Variants in FCHO1 observed in about 807,000 individuals in gnomAD.
FCHO1 encodes F-BAR domain only protein 1.
Under a neutral mutation model 114.4 loss-of-function variants are expected in FCHO1, and 45 were observed. That is an observed-to-expected ratio of 0.39 (90% CI 0.31 to 0.50). The LOEUF is 0.50. Among genes scored for constraint, FCHO1 ranks in the 20% least tolerant of loss-of-function variants. The probability of loss-of-function intolerance (pLI) is 0.77; values close to 1 mark genes in which losing one functional copy is unlikely to be tolerated. For synonymous variants in FCHO1, 480 were observed against 488.9 expected, an observed-to-expected ratio of 0.98 and a Z score of 0.24; for missense variants, 1,042 against 1,209.6, an observed-to-expected ratio of 0.86 and a Z score of 2.06.
In FCHO1 at chr19:17,764,399, G is replaced by C; in HGVS notation, c.144G>C (p.Ser48=). 1 of 1,613,610 alleles carries C rather than the reference G, an allele frequency of 6.2e-7. No individual in the cohort carries two copies. The change falls in exon 6 of 29, where the codon TCG becomes TCC. Residue 48 remains serine (S), a synonymous_variant. Transcript: ENST00000596536. ...GGGCCACCATCGAGGAGACCTACTC[G>C]AAGGCGATGGCGAAACTCTCCAAGC... ...RERATIEETY[S]KAMAKLSKLA...
At position 17,776,972 on chromosome 19, in the gene FCHO1, A is replaced by T. The variant is rs1340621288; in HGVS notation, c.1259+286A>T. Among the ~76,000 whole-genome samples the T allele has an allele frequency of 6.6e-6, 1 of 151,606 alleles. No homozygotes were observed. Among genetic ancestry groups the T allele is most frequent in the Non-Finnish European group, 1.5e-5 (1 of 67,912 alleles). On this transcript the variant is annotated intron_variant, in intron 18 of 28. Coordinates refer to ENST00000596536, the MANE Select transcript of FCHO1 (RefSeq NM_015122.3). This position sits in a 1 kb window ranked among gnomAD's most constrained non-coding sequence, Gnocchi z 4.4. ...ACCACCACGCCCAGCTAACTTTTGT[A>T]TTTTTAGTAGAGACAGGGTTTCACC...
In FCHO1 at chr19:17,788,267, CA is replaced by C; in HGVS notation, c.2648-16del. 1 of 1,462,014 alleles carries C rather than the reference CA, an allele frequency of 6.8e-7. No individual in the cohort carries two copies. The highest frequency in any genetic ancestry group is 9.5e-7 in the Non-Finnish European group (1 of 1,058,162). 90.6% of individuals were successfully genotyped at this position (1,462,014 alleles called of 1,614,324 possible). On this transcript the variant is annotated splice_polypyrimidine_tract_variant and intron_variant, in intron 28 of 28. Transcript: ENST00000596536. ...CCCTCCTCCCCACCCCTCCCCCTCA[CA>C]GCTGCACCCCCACAGGGATGTACCT...
rs1490102130 is a variant in FCHO1, at chr19:17,778,825, C to T, written c.1568C>T (p.Ser523Leu). The T allele has an allele frequency of 1.9e-6, 3 of 1,553,568 alleles. No homozygotes were observed. The highest frequency in any genetic ancestry group is 3.7e-5 in the Admixed American group (2 of 53,358). The change falls in exon 20 of 29, where the codon TCG becomes TTG. Residue 523 changes from serine (S) to leucine (L), a missense_variant. Transcript: ENST00000596536. ...ATCCGGGCACCGCCTCTGCCAGACT[C>T]GCCGCAGCCCCTCGCCTCGTCTCCA... Reference protein sequence around the residue: ...RGIRAPPLPDSPQPLASSPGP... With the variant: ...RGIRAPPLPDLPQPLASSPGP...
intron 4 of FCHO1, among the ~76,000 whole-genome samples, chr19:17,761,749 C>T (rs1205369127): frequency 6.6e-6 from 1 of 151,718 alleles, no homozygotes; most frequent in East Asian, 1.9e-4. Context: ...CAACCTCTGC[C>T]TCCCACGTTC....
chr19:17,778,451 A>AG, intron 19 of FCHO1, 158 bp from the exon 20 acceptor site: 1 of 878,950 alleles, frequency 1.1e-6, no homozygotes, highest in East Asian at 2.7e-5. Flanking sequence ...ATTTGTGGAG[A>AG]GGGAAGTCAC....
Position 17,778,883 on chromosome 19 carries a change from A to G in FCHO1, c.1626A>G (p.Gly542=). The change falls in exon 20 of 29, where the codon GGA becomes GGG. Residue 542 remains glycine, a splice_region_variant and synonymous_variant. Transcript: ENST00000596536. The stretch of plus-strand genomic sequence containing the variant: ...GGGGGCTGGAGGCCTTGGCCGGAGG[A>G]GGTGAGTCCAGCGGGCCTGGGCCTG... ...GPWGLEALAG[G]DLMPAPADPT... The G allele has an allele frequency of 6.4e-7, 1 of 1,555,152 alleles. No homozygotes were observed.
At chr19:17,771,358 TAAAAAA>T (rs1269242537) in intron 9 of FCHO1, among the ~76,000 whole-genome samples, 2 of 112,664 alleles carry the variant, frequency 1.8e-5, no homozygotes, top group Non-Finnish European at 3.7e-5. Flanking sequence ...CAGGTGTATA[TAAAAAA>T]AAAAAAGAAA....
At chr19:17,750,594 G>A (rs2081640030), upstream of FCHO1, among the ~76,000 whole-genome samples, 1 of 151,750 alleles carries the variant, frequency 6.6e-6, no homozygotes, top group Admixed American at 6.6e-5. Flanking sequence ...GAGTAGCTGG[G>A]ATTACAGGCA....
Position 17,786,698 on chromosome 19 carries a change from T to G in FCHO1, c.2482+69T>G. 2.6e-6 allele frequency: 4 copies of G among 1,537,884 alleles called. No individual in the cohort carries two copies. In the Admixed American group the frequency reaches 5.6e-5, roughly 22 times the overall value. On this transcript the variant is annotated intron_variant, in intron 27 of 28. Transcript: ENST00000596536. ...GTCAGGTGGGAGGCACTTATTTATG[T>G]TGGGGAAGAATTGGGGACATACTGA...
At chr19:17,750,116 C>T (rs182996114), upstream of FCHO1, among the ~76,000 whole-genome samples, 7 of 152,286 alleles carry the variant, frequency 4.6e-5, no homozygotes, top group African/African-American at 1.7e-4. Flanking sequence ...TCACATGTCT[C>T]AGCCCCAGGT....
In FCHO1 at chr19:17,776,260, G is replaced by C. The variant is rs1168436275; in HGVS notation, c.1196G>C (p.Arg399Pro). 2.5e-6 allele frequency: 4 copies of C among 1,614,036 alleles called. No individual in the cohort carries two copies. The highest frequency in any genetic ancestry group is 1.3e-5 in the African/African-American group (1 of 74,934). The part of the protein sequence containing the change: ...LPPGPGGTMK[R>P]HSSRDAAGKP... ...CTTTGTCCACAGGGCACCATGAAAC[G>C]CCATTCTTCACGTGAGTAGCCTTTG... The change falls in exon 17 of 29, where the codon CGC (arginine) becomes CCC (proline). Residue 399 changes from arginine to proline, a missense_variant. Transcript: ENST00000596536. This position sits in a 1 kb window ranked among gnomAD's most constrained non-coding sequence, Gnocchi z 4.4.
intron 11 of FCHO1, 73 bp downstream of exon 11, chr19:17,772,814 G>A: frequency 1.8e-6 from 2 of 1,107,798 alleles, no homozygotes; most frequent in Non-Finnish European, 1.3e-6. Context: ...ACCATGCCCA[G>A]CTAATTTTTT....
At chr19:17,779,462 C>G (rs2093092791) in intron 20 of FCHO1, among the ~76,000 whole-genome samples, 1 of 150,858 alleles carries the variant, frequency 6.6e-6, no homozygotes, top group South Asian at 2.1e-4. Flanking sequence ...GGCAAGTAGG[C>G]GATGGGGGTA....
Position 17,776,719 on chromosome 19 carries a change from G to A in FCHO1, c.1259+33G>A. 6.2e-7 allele frequency: 1 copy of A among 1,605,232 alleles called. No individual in the cohort carries two copies. Among genetic ancestry groups the A allele is most frequent in the Non-Finnish European group, 8.5e-7 (1 of 1,173,106 alleles). Reference sequence around the variant, plus strand: ...CCACACGAGTGGGCAGGTGGGGGCTGTCCCCACCTCCTCCCTCCACCTCCC... The same window carrying A: ...CCACACGAGTGGGCAGGTGGGGGCTATCCCCACCTCCTCCCTCCACCTCCC... On this transcript the variant is annotated intron_variant, in intron 18 of 28. Transcript: ENST00000596536. This position sits in a 1 kb window ranked among gnomAD's most constrained non-coding sequence, Gnocchi z 4.4.
intron 7 of FCHO1, among the ~76,000 whole-genome samples, chr19:17,769,025 C>G (rs1398408095): frequency 2.0e-5 from 3 of 151,932 alleles, no homozygotes; most frequent in African/African-American, 7.3e-5. Flanking sequence ...TCTGTAATCC[C>G]AGCACTTTGG....
intron 1 of FCHO1, among the ~76,000 whole-genome samples, chr19:17,753,097 T>G (rs534571947): frequency 6.6e-6 from 1 of 151,586 alleles, no homozygotes; most frequent in South Asian, 2.1e-4. Flanking sequence ...AAAAAAAAAA[T>G]TAAGTCACCA....
intron 11 of FCHO1, among the ~76,000 whole-genome samples, chr19:17,773,106 A>G (rs918139234): frequency 2.0e-5 from 3 of 152,226 alleles, no homozygotes; most frequent in Admixed American, 6.5e-5. Flanking sequence ...CCCAGGGCCT[A>G]AGGGAGCCAT....
chr19:17,788,064 C>T (rs1472565968), intron 28 of FCHO1, among the ~76,000 whole-genome samples: 1 of 152,056 alleles, frequency 6.6e-6, no homozygotes, highest in Non-Finnish European at 1.5e-5. Context: ...GGACCCCAGC[C>T]AGGGAGCCCG....
intron 28 of FCHO1, 74 bp from the exon 29 acceptor site, chr19:17,788,210 C>A (rs1056791142): frequency 2.8e-6 from 3 of 1,079,720 alleles, no homozygotes; most frequent in African/African-American, 1.6e-5. Context: ...TTGAAGCATC[C>A]CAGGGTCAGA....
Sources: gnomAD v4.1 joint callset for allele counts (sites outside exome capture counted in the v4.1 genomes callset) on GRCh38, gnomAD v4.1.1 for gene constraint, Gnocchi (gnomAD v3.1) non-coding constraint, MANE v1.5 for transcripts, NCBI Gene and HGNC (gene_info 2026-07-23, HGNC 2026-07-21) for gene names.